The following CDH18 variants were observed in gnomAD, a reference collection of about 807,000 sequenced individuals.
CDH18 encodes cadherin-18.
In CDH18, 31 loss-of-function variants were observed where a neutral mutation model predicts 67.9. That is an observed-to-expected ratio of 0.46 (90% CI 0.34 to 0.62). The LOEUF (loss-of-function observed/expected upper bound fraction) is 0.62, where lower values mean the gene tolerates loss of function less well. CDH18 is among the 20% of genes least tolerant of loss of function. CDH18 has a pLI of 0.01. For missense variants in CDH18, 890 were observed against 975.5 expected, an observed-to-expected ratio of 0.91 and a Z score of 1.17; for synonymous variants, 362 against 347.2, an observed-to-expected ratio of 1.04 and a Z score of -0.48.
At chr5:20,408,535 G>A (rs1422298205) in intron 1 of CDH18, among the ~76,000 whole-genome samples, 1 of 151,764 alleles carries the variant, frequency 6.6e-6, no homozygotes, top group East Asian at 1.9e-4. Context: ...TGTTATTAGT[G>A]TGAGATATTT....
chr5:19,891,308 G>A (rs1788761236), intron 2 of CDH18, among the ~76,000 whole-genome samples: 1 of 152,038 alleles, frequency 6.6e-6, no homozygotes, highest in South Asian at 2.1e-4. Context: ...TGTCTGGATG[G>A]CAGAGGAATG....
intron 2 of CDH18, among the ~76,000 whole-genome samples, chr5:20,044,617 C>T (rs1386308988): frequency 1.3e-5 from 2 of 152,064 alleles, no homozygotes; most frequent in African/African-American, 4.8e-5. Context: ...ATGAAGAGGT[C>T]ATATTACCAC....
intron 2 of CDH18, among the ~76,000 whole-genome samples, chr5:19,856,204 A>C (rs1784267554): frequency 6.6e-6 from 1 of 152,224 alleles, no homozygotes; most frequent in South Asian, 2.1e-4. Flanking sequence ...TGGAAATGCA[A>C]ATTCCCAGGC....
At chr5:19,544,319 T>G (rs1006181150) in intron 8 of CDH18, among the ~76,000 whole-genome samples, 8 of 152,048 alleles carry the variant, frequency 5.3e-5, no homozygotes, top group African/African-American at 1.9e-4. Flanking sequence ...TGGAAGCCTA[T>G]AATATGTTTA....
At chr5:20,393,101 A>C (rs1399839605) in intron 1 of CDH18, among the ~76,000 whole-genome samples, 1 of 151,984 alleles carries the variant, frequency 6.6e-6, no homozygotes, top group African/African-American at 2.4e-5. Context: ...ATCTAACGGT[A>C]TATGAGGTGG....
chr5:19,548,755 T>C lies in CDH18; in HGVS notation c.1254-4750A>G, dbSNP rs936772572. Reference sequence around the variant, plus strand: ...TCTACTGAGTAATATTTATCAGCTTTTTTTTTTTTTTTTTTATGAAGTGTC... The same window carrying C: ...TCTACTGAGTAATATTTATCAGCTTCTTTTTTTTTTTTTTTATGAAGTGTC... On this transcript the variant is annotated intron_variant, in intron 8 of 12. Coordinates refer to ENST00000382275, the MANE Select transcript of CDH18 (RefSeq NM_004934.5). Among the ~76,000 whole-genome samples the C allele has an allele frequency of 1.8e-3, 274 of 149,450 alleles. 1 individual carries two copies. Among genetic ancestry groups the C allele is most frequent in the African/African-American group, 5.9e-3 (238 of 40,432 alleles).
At chr5:19,477,274 C>G (rs1187030101) in intron 12 of CDH18, among the ~76,000 whole-genome samples, 1 of 151,446 alleles carries the variant, frequency 6.6e-6, no homozygotes, top group East Asian at 1.9e-4. Context: ...AAATTCAAAT[C>G]AACTCAGAAA....
chr5:19,634,937 CAAAAAA>C (rs11343866), intron 5 of CDH18, among the ~76,000 whole-genome samples: 4 of 125,794 alleles, frequency 3.2e-5, no homozygotes, highest in Non-Finnish European at 6.8e-5. Flanking sequence ...AACTGCATCT[CAAAAAA>C]AAAAAAAAAG....
chr5:19,511,755 A>C (rs780087918), intron 10 of CDH18, among the ~76,000 whole-genome samples: 13 of 152,126 alleles, frequency 8.5e-5, no homozygotes, highest in Non-Finnish European at 1.8e-4. Context: ...TTTCAAAGGG[A>C]TGGTTTGAAT....
chr5:20,040,815 A>C (rs1023599188), intron 2 of CDH18, among the ~76,000 whole-genome samples: 5 of 152,160 alleles, frequency 3.3e-5, no homozygotes, highest in African/African-American at 4.8e-5. Context: ...CACAAGAAGA[A>C]AGACCAGTAT....
chr5:19,525,403 T>G (rs897980982), intron 9 of CDH18, among the ~76,000 whole-genome samples: 4 of 151,218 alleles, frequency 2.6e-5, no homozygotes, highest in African/African-American at 7.4e-5. Context: ...GGGATCAGGG[T>G]AATATCAGTT....
At chr5:20,386,991 G>C (rs1744365267) in intron 1 of CDH18, among the ~76,000 whole-genome samples, 1 of 152,020 alleles carries the variant, frequency 6.6e-6, no homozygotes, top group South Asian at 2.1e-4. Flanking sequence ...CCATGAGTTA[G>C]ATACTTAATT....
chr5:20,095,300 AAAGAAAG>A, intron 2 of CDH18, among the ~76,000 whole-genome samples: 1 of 1,194 alleles, frequency 8.4e-4, no homozygotes, highest in African/African-American at 2.8e-3. Context: ...ACTTAAAGTA[AAAGAAAG>A]AAAGAAAGAA....
intron 1 of CDH18, among the ~76,000 whole-genome samples, chr5:20,491,206 T>TATC (rs1375351343): frequency 1.3e-5 from 2 of 150,966 alleles, no homozygotes. Flanking sequence ...TTATTATTAT[T>TATC]ATTATTATTA....
At chr5:19,768,664 T>C (rs1396821040) in intron 3 of CDH18, among the ~76,000 whole-genome samples, 2 of 152,076 alleles carry the variant, frequency 1.3e-5, no homozygotes, top group Non-Finnish European at 2.9e-5. Flanking sequence ...AAGCTGAGAC[T>C]TCCACAAGCA....
intron 1 of CDH18, among the ~76,000 whole-genome samples, chr5:20,549,583 G>C (rs1021200587): frequency 1.3e-5 from 2 of 152,082 alleles, no homozygotes; most frequent in Non-Finnish European, 2.9e-5. Flanking sequence ...AGCCCATAGG[G>C]AAACATTACA....
intron 2 of CDH18, among the ~76,000 whole-genome samples, chr5:20,226,960 T>G (rs1741682420): frequency 6.6e-6 from 1 of 152,112 alleles, no homozygotes; most frequent in Non-Finnish European, 1.5e-5. Flanking sequence ...TTACTTACTC[T>G]GTTCCTCCCA....
chr5:20,005,426 A>ACACG (rs960794619), intron 2 of CDH18, among the ~76,000 whole-genome samples: 8 of 149,446 alleles, frequency 5.4e-5, no homozygotes, highest in African/African-American at 1.5e-4. Flanking sequence ...ACACACACAC[A>ACACG]CACACACACA....
At chr5:20,572,822 T>C (rs1758887373) in intron 1 of CDH18, among the ~76,000 whole-genome samples, 1 of 152,024 alleles carries the variant, frequency 6.6e-6, no homozygotes, top group Admixed American at 6.6e-5. Flanking sequence ...TGGAAGCAAA[T>C]GGAGAGTTGA....
Sources: allele counts gnomAD v4.1 joint callset (sites outside exome capture counted in the v4.1 genomes callset), GRCh38; gene constraint gnomAD v4.1.1; transcripts MANE v1.5; gene names NCBI Gene and HGNC (gene_info 2026-07-23, HGNC 2026-07-21).